The following PLEC variants were observed in gnomAD, a reference collection of about 807,000 sequenced individuals.
PLEC encodes the protein plectin.
PLEC carries 216 observed loss-of-function variants against 392.8 expected under a neutral mutation model. The ratio of observed to expected loss-of-function variants is 0.55; its 90% CI spans 0.49 to 0.62. PLEC has a LOEUF of 0.62. Ranked by LOEUF, PLEC falls within the 20% of genes least tolerant of loss-of-function variation. PLEC has a pLI of 0.00. For synonymous variants in PLEC, 3,621 were observed against 2,980.6 expected (o/e 1.21, Z -7.00); for missense variants, 6,863 against 6,563.4 (o/e 1.05, Z -1.58).
At chr8:143,943,066 C>T (rs149371406), upstream of PLEC, among the ~76,000 whole-genome samples, 2 of 152,158 alleles carry the variant, frequency 1.3e-5, no homozygotes, top group South Asian at 2.1e-4. Flanking sequence ...GCTGAGTCCC[C>T]GGCAGCTCCG....
At position 143,916,437 on chromosome 8, in the gene PLEC, G is replaced by A. The variant is rs781845444; in HGVS notation, c.13384C>T (p.Arg4462Trp). ...GACTGCGCGGCAGCCTCCAGCAGCC[G>A]CAGCCCCGTGCCCTCCTCCACCATG... Reference protein sequence around the residue: ...RSMVEEGTGLRLLEAAAQSTK... With the variant: ...RSMVEEGTGLWLLEAAAQSTK... Residue 4462 changes from arginine to tryptophan, a missense_variant, in exon 32 of 32, where the codon CGG (arginine) becomes TGG (tryptophan). Arg to Trp is a moderately radical substitution (Grantham distance 101, BLOSUM62 -3). Transcript: ENST00000345136. The A allele has an allele frequency of 1.3e-5, 21 of 1,611,624 alleles. No individual in the cohort carries two copies. The highest frequency in any genetic ancestry group is 4.5e-5 in the East Asian group (2 of 44,844).
chr8:143,944,037 G>A (rs1476761315), upstream of PLEC: 53 of 1,269,238 alleles, frequency 4.2e-5, 1 homozygote, highest in South Asian at 1.3e-4. Flanking sequence ...CCCCATACGC[G>A]GCGGCAGCCC....
Position 143,930,156 on chromosome 8 carries a change from T to A in PLEC, c.2600A>T (p.Glu867Val). 1.3e-6 allele frequency: 2 copies of A among 1,581,920 alleles called. No homozygotes were observed. The highest frequency in any genetic ancestry group is 1.7e-6 in the Non-Finnish European group (2 of 1,170,028). The change falls in exon 21 of 32, where the codon GAG becomes GTG. Residue 867 changes from glutamate to valine, a missense_variant. Physicochemically the swap from Glu to Val is moderately radical, Grantham distance 121. Transcript: ENST00000345136. ...LVPPPNQEAQ[E>V]AVTRLEAQHQ... ...CCCCGCCACCCACCTGGTGACGGCC[T>A]CCTGGGCCTCCTGGTTGGGCGGGGG...
chr8:143,934,113 G>A (rs1828244651), intron 11 of PLEC, 22 bp from the exon 12 acceptor site: 7 of 1,608,632 alleles, frequency 4.4e-6, no homozygotes, highest in South Asian at 2.2e-5. Context: ...GCACAGGGAA[G>A]GGGCCGCGTT....
At chr8:143,972,186 G>C (rs1189272573) in intron 1 of PLEC, among the ~76,000 whole-genome samples, 1 of 152,194 alleles carries the variant, frequency 6.6e-6, no homozygotes, top group African/African-American at 2.4e-5. Flanking sequence ...GAGGGCTGGA[G>C]CCCAGGTGGG....
chr8:143,922,616 C>T lies in PLEC; in HGVS notation c.7313G>A (p.Arg2438Gln), dbSNP rs781835780. 27 of 1,613,520 alleles carry T rather than the reference C, an allele frequency of 1.7e-5. No individual in the cohort carries two copies. Among genetic ancestry groups the T allele is most frequent in the Middle Eastern group, 1.6e-4 (1 of 6,068 alleles). ...CTCGGCATCATGGTCACTCTGCTGT[C>T]GCTGGATCTCCAGTGTCTGCACCAG... ...VTLVQTLEIQ[R>Q]QQSDHDAERL... is the part of the protein sequence containing the mutation. The change falls in exon 31 of 32, where the codon CGA becomes CAA. Residue 2438 changes from arginine (R) to glutamine (Q), a missense_variant. By Grantham distance (43) the Arg-to-Gln change is conservative. Coordinates refer to ENST00000345136, the MANE Select transcript of PLEC (RefSeq NM_201384.3).
rs398123400 is a variant in PLEC at position 143,924,486 on chromosome 8, G to A, written c.5443C>T (p.Arg1815Trp). Residue 1815 changes from arginine to tryptophan, a missense_variant, in exon 31 of 32, where the codon CGG becomes TGG. Arg to Trp is a moderately radical substitution (Grantham distance 101). Coordinates refer to ENST00000345136, the MANE Select transcript of PLEC (RefSeq NM_201384.3). ...RLRALAEEAK[R>W]QRQLAEEDAA... ...TCTTCCTCGGCCAGCTGCCGCTGCC[G>A]CTTGGCCTCTTCCGCCAGGGCACGC... 5.1e-4 allele frequency: 782 copies of A among 1,546,130 alleles called. 4 individuals are homozygous for A. The highest frequency in any genetic ancestry group is 4.8e-3 in the South Asian group (412 of 85,400).
At chr8:143,938,523 G>A (rs1829689237) in intron 2 of PLEC, 108 bp downstream of exon 2, 18 of 1,550,640 alleles carry the variant, frequency 1.2e-5, no homozygotes, top group South Asian at 3.3e-5. Flanking sequence ...GAGATGAAAG[G>A]TGAGCACACA....
chr8:143,958,703 T>A, upstream of PLEC: 1 of 451,222 alleles, frequency 2.2e-6, no homozygotes, highest in South Asian at 1.6e-5. This position sits in a 1 kb window ranked among gnomAD's most constrained non-coding sequence, Gnocchi z 4.9. Context: ...CCTGCTCTGC[T>A]GCAGCAGGGT....
chr8:143,927,865 C>G lies in PLEC; in HGVS notation c.3388G>C (p.Ala1130Pro). 6.3e-7 allele frequency: 1 copy of G among 1,590,498 alleles called. No individual in the cohort carries two copies. Among genetic ancestry groups the G allele is most frequent in the South Asian group, 1.1e-5 (1 of 88,280 alleles). The stretch of plus-strand genomic sequence containing the variant: ...CCTCGAAACGATACCTTCAGAGAGG[C>G]CTTGGTGGCCTCGAGCTCCGGGAGG... The part of the protein sequence containing the change: ...ATLPELEATK[A>P]SLKKLRAQAE... Residue 1130 changes from alanine to proline, a missense_variant, in exon 26 of 32, where the codon GCC becomes CCC. Transcript: ENST00000345136.
chr8:143,938,739 G>A, intron 1 of PLEC, 47 bp from the exon 2 acceptor site: 1 of 1,550,046 alleles, frequency 6.5e-7, no homozygotes, highest in Non-Finnish European at 8.9e-7. Context: ...AGAAGCCCCG[G>A]GGGCCCTCAG....
Position 143,924,596 on chromosome 8 carries a change from G to C in PLEC, c.5333C>G (p.Ser1778Trp). 1 of 1,548,460 alleles carries C rather than the reference G, an allele frequency of 6.5e-7. No homozygotes were observed. The change falls in exon 31 of 32, where the codon TCG becomes TGG. Residue 1778 changes from serine (S) to tryptophan (W), a missense_variant. Ser to Trp is a radical substitution (Grantham distance 177). Coordinates refer to ENST00000345136, the MANE Select transcript of PLEC (RefSeq NM_201384.3). ...CTTGGACTTCTCGCTGGTGGAGCGC[G>C]ACTCCTCCTCAGCCCTCGCCTTGCT... ...LASKARAEEE[S>W]RSTSEKSKQR...
chr8:143,925,300 C>T lies in PLEC; in HGVS notation c.4629G>A (p.Leu1543=). The change falls in exon 31 of 32, where the codon CTG becomes CTA. Residue 1543 remains leucine, a synonymous_variant. Coordinates refer to ENST00000345136, the MANE Select transcript of PLEC (RefSeq NM_201384.3). ...GGCGCCGCTCCGCCTCCTCCGCCTG[C>T]AGCCGCAGCTCCTCCAGGGCCTGCA... The part of the protein sequence containing the change: ...RALQALEELR[L]QAEEAERRLR... The T allele has an allele frequency of 1.3e-6, 2 of 1,572,626 alleles. No homozygotes were observed. The highest frequency in any genetic ancestry group is 2.3e-5 in the South Asian group (2 of 87,812).
In PLEC at chr8:143,930,467, C is replaced by T. The variant is rs782238465; in HGVS notation, c.2374G>A (p.Val792Met). 5 of 1,588,528 alleles carry T rather than the reference C, an allele frequency of 3.1e-6. No homozygotes were observed. Among genetic ancestry groups the T allele is most frequent in the South Asian group, 1.1e-5 (1 of 87,996 alleles). Reference protein sequence around the residue: ...SGLAKRAKAVVQLKPRHPAHP... With the variant: ...SGLAKRAKAVMQLKPRHPAHP... ...GCTGGGTGGCGGGGCTTCAGCTGCA[C>T]GACGGCCTTGGCCCGCTTGGCCAGG... The change falls in exon 20 of 32, where the codon GTG (valine) becomes ATG (methionine). Residue 792 changes from valine to methionine, a missense_variant. Physicochemically the swap from Val to Met is conservative, Grantham distance 21. Transcript: ENST00000345136.
At chr8:143,931,324 T>G (rs1554714988) in intron 19 of PLEC, among the ~76,000 whole-genome samples, 1 of 107,922 alleles carries the variant, frequency 9.3e-6, no homozygotes, top group African/African-American at 2.7e-5. Context: ...CAACTCCTGC[T>G]GGCCCCTCCA....
rs781913031 is a variant in PLEC at position 143,929,668 on chromosome 8, C to T, written c.2901G>A (p.Gln967=). Reference sequence around the variant, plus strand: ...TACCCTGTTCCAGGCTCTGCAGCAGCTGCTGGTAGTGGTGGCTGCAGGAGC... The same window carrying T: ...TACCCTGTTCCAGGCTCTGCAGCAGTTGCTGGTAGTGGTGGCTGCAGGAGC... ...EYGSCSHHYQ[Q]LLQSLEQGAQ... Residue 967 remains glutamine, a synonymous_variant, in exon 23 of 32, where the codon CAG becomes CAA. Coordinates refer to ENST00000345136, the MANE Select transcript of PLEC (RefSeq NM_201384.3). 6.2e-7 allele frequency: 1 copy of T among 1,602,362 alleles called. No homozygotes were observed. The highest frequency in any genetic ancestry group is 1.3e-5 in the African/African-American group (1 of 74,910).
In PLEC at chr8:143,923,131, C is replaced by A. The variant is rs562384831; in HGVS notation, c.6798G>T (p.Leu2266=). The A allele has an allele frequency of 1.7e-5, 27 of 1,603,968 alleles. No homozygotes were observed. The highest frequency in any genetic ancestry group is 2.2e-5 in the Non-Finnish European group (26 of 1,179,894). The change falls in exon 31 of 32, where the codon CTG becomes CTT. Residue 2266 remains leucine (L), a synonymous_variant. Transcript: ENST00000345136. ...LRDKDNTQRF[L]QEEAEKMKQV... ...GCTTCATCTTCTCAGCCTCCTCCTG[C>A]AGGAAGCGCTGCGTATTGTCCTTGT...
At position 143,923,454 on chromosome 8, in the gene PLEC, G is replaced by T; in HGVS notation, c.6475C>A (p.Gln2159Lys). 6.2e-7 allele frequency: 1 copy of T among 1,607,796 alleles called. No individual in the cohort carries two copies. The highest frequency in any genetic ancestry group is 1.1e-5 in the South Asian group (1 of 91,036). The change falls in exon 31 of 32, where the codon CAG becomes AAG. Residue 2159 changes from glutamine to lysine, a missense_variant. Physicochemically the swap from Gln to Lys is moderately conservative, Grantham distance 53. Transcript: ENST00000345136. ...RAQAEQAALR[Q>K]KQAADAEMEK... ...ATCTCCGCGTCAGCTGCCTGCTTCTGCCGCAGGGCCGCCTGCTCCGCCTGT... is the reference window on the plus strand; with the variant it reads ...ATCTCCGCGTCAGCTGCCTGCTTCTTCCGCAGGGCCGCCTGCTCCGCCTGT...
In PLEC at chr8:143,926,722, T is replaced by C. The variant is rs139985577; in HGVS notation, c.4044+62A>G. ...GCCTCAGGCAGCTCCTGTGGCTGTG[T>C]GTGGGACACAACAGGTGGTGAGATG... On this transcript the variant is annotated intron_variant, in intron 30 of 31. Coordinates refer to ENST00000345136, the MANE Select transcript of PLEC (RefSeq NM_201384.3). 8,406 of 1,348,554 alleles carry C rather than the reference T, an allele frequency of 6.2e-3. 441 individuals are homozygous for C. The African/African-American group carries it at 0.11, about 17-fold the overall frequency. 83.5% of individuals were successfully genotyped at this position (1,348,554 alleles called of 1,614,324 possible).
Sources: gnomAD v4.1 joint callset for allele counts (sites outside exome capture counted in the v4.1 genomes callset) on GRCh38, gnomAD v4.1.1 for gene constraint, Gnocchi (gnomAD v3.1) non-coding constraint, MANE v1.5 for transcripts, NCBI Gene and HGNC (gene_info 2026-07-23, HGNC 2026-07-21) for gene names.